SH3GL3: variants seen among roughly 807,000 people sequenced by gnomAD.
The protein encoded by SH3GL3 is endophilin-A3.
A neutral mutation model predicts 47.7 loss-of-function variants in SH3GL3; 33 were observed. The ratio of observed to expected loss-of-function variants is 0.69; its 90% confidence interval spans 0.52 to 0.92. The LOEUF is 0.92. Among genes scored for constraint, SH3GL3 ranks in the 40% least tolerant of loss-of-function variants. SH3GL3 has a pLI of 0.00. For missense variants in SH3GL3, 363 were observed against 417.8 expected (o/e 0.87, Z 1.14); for synonymous variants, 155 against 148.8 (o/e 1.04, Z -0.30).
chr15:83,624,978 AGGCCAGGCACGGT>A, the SH3GL3 span, among the ~76,000 whole-genome samples: 1 of 152,116 alleles, frequency 6.6e-6, no homozygotes, highest in Non-Finnish European at 1.5e-5. Flanking sequence ...AGAGAGCACC[AGGCCAGGCACGGT>A]GGCTTATGCC....
At chr15:83,633,445 CTAA>C in the SH3GL3 span, among the ~76,000 whole-genome samples, 1 of 152,184 alleles carries the variant, frequency 6.6e-6, no homozygotes, top group Admixed American at 6.5e-5. Context: ...GGCAAGCTAT[CTAA>C]CGATGTGCTT....
At chr15:83,493,980 C>T (rs1276951858) in intron 1 of SH3GL3, among the ~76,000 whole-genome samples, 2 of 152,222 alleles carry the variant, frequency 1.3e-5, no homozygotes, top group African/African-American at 2.4e-5. Context: ...AAACTTCAAT[C>T]GGGAGGGATC....
the SH3GL3 span, among the ~76,000 whole-genome samples, chr15:83,626,331 TCTC>T: frequency 6.6e-6 from 1 of 152,168 alleles, no homozygotes; most frequent in Non-Finnish European, 1.5e-5. Context: ...AGTCACTTCC[TCTC>T]CTCTTCTTCT....
chr15:83,502,624 C>T (rs1214088389), intron 1 of SH3GL3, among the ~76,000 whole-genome samples: 2 of 152,290 alleles, frequency 1.3e-5, no homozygotes, highest in East Asian at 3.9e-4. Context: ...AGTGTGCCAT[C>T]ATGGCTCACT....
chr15:83,580,222 A>C (rs1322920133), intron 6 of SH3GL3, among the ~76,000 whole-genome samples: 1 of 152,132 alleles, frequency 6.6e-6, no homozygotes, highest in Non-Finnish European at 1.5e-5. Context: ...GAAGTCCTGC[A>C]TGAGGAGCTG....
intron 2 of SH3GL3, among the ~76,000 whole-genome samples, chr15:83,559,800 G>C (rs1204609198): frequency 6.6e-6 from 1 of 152,186 alleles, no homozygotes; most frequent in African/African-American, 2.4e-5. Context: ...TGTGAACTTG[G>C]ATAAGTGAAT....
At chr15:83,490,038 G>A (rs1463654080) in intron 1 of SH3GL3, among the ~76,000 whole-genome samples, 4 of 152,190 alleles carry the variant, frequency 2.6e-5, no homozygotes, top group Non-Finnish European at 5.9e-5. Flanking sequence ...TTGCCAGGCA[G>A]GGGGAATCAC....
At chr15:83,578,960 C>T (rs2059759126) in intron 6 of SH3GL3, among the ~76,000 whole-genome samples, 1 of 152,140 alleles carries the variant, frequency 6.6e-6, no homozygotes, top group Non-Finnish European at 1.5e-5. Context: ...CCATTTGTTC[C>T]ATTCACTGCC....
chr15:83,580,906 G>A (rs1269053224), intron 6 of SH3GL3, among the ~76,000 whole-genome samples: 2 of 152,222 alleles, frequency 1.3e-5, no homozygotes, highest in African/African-American at 2.4e-5. Flanking sequence ...AGGGCCTGGC[G>A]AGAGGACTTA....
At position 83,575,734 on chromosome 15, in the gene SH3GL3, A is replaced by T. The variant is rs2059659115; in HGVS notation, c.466-849A>T. Among the ~76,000 whole-genome samples the T allele has an allele frequency of 2.0e-5, 3 of 152,240 alleles. No individual in the cohort carries two copies. The South Asian group carries it at 6.2e-4, about 32-fold the overall frequency. On this transcript the variant is annotated intron_variant, in intron 5 of 8. Transcript: ENST00000427482. Reference sequence around the variant, plus strand: ...AAGTTAGAAGCAGTGCTTCCTGCTAAAATGAATAGTGCGAGCTATCCCCAT... The same window carrying T: ...AAGTTAGAAGCAGTGCTTCCTGCTATAATGAATAGTGCGAGCTATCCCCAT...
At chr15:83,545,591 G>T (rs1205783508) in intron 1 of SH3GL3, among the ~76,000 whole-genome samples, 1 of 152,164 alleles carries the variant, frequency 6.6e-6, no homozygotes, top group Non-Finnish European at 1.5e-5. Flanking sequence ...GTTCATTCAT[G>T]TCTGGGCATT....
intron 1 of SH3GL3, among the ~76,000 whole-genome samples, chr15:83,554,015 C>T (rs905110497): frequency 4.0e-5 from 6 of 148,162 alleles, no homozygotes; most frequent in Non-Finnish European, 6.0e-5. Context: ...TTCTTTCTCT[C>T]GCTCTTTTTT....
chr15:83,458,803 G>A lies in SH3GL3; in HGVS notation c.45+11225G>A, dbSNP rs544542031. Among the ~76,000 whole-genome samples the A allele has an allele frequency of 1.8e-3, 269 of 152,268 alleles. 3 individuals carry two copies. Among genetic ancestry groups the A allele is most frequent in the Admixed American group, 4.0e-3 (61 of 15,302 alleles). ...CTGCACTATTGTTTCTTCTCTCCTG[G>A]ATAAATTTCACTGTAGGACAAAGAA... On this transcript the variant is annotated intron_variant, in intron 1 of 8. Transcript: ENST00000427482.
At position 83,562,242 on chromosome 15, in the gene SH3GL3, T is replaced by G. The variant is rs150936915; in HGVS notation, c.115-2892T>G. On this transcript the variant is annotated intron_variant, in intron 2 of 8. Coordinates refer to ENST00000427482, the MANE Select transcript of SH3GL3 (RefSeq NM_003027.5). The stretch of plus-strand genomic sequence containing the variant: ...AAGGGTTTATTTCTAGTTTTGATGC[T>G]TGGGCTGGTGTGGAGGCAGCTCCAG... Among the ~76,000 whole-genome samples, 35 of 152,338 alleles carry G rather than the reference T, an allele frequency of 2.3e-4. No individual in the cohort carries two copies. The East Asian group carries it at 6.8e-3, about 29-fold the overall frequency.
chr15:83,626,145 T>C, the SH3GL3 span, among the ~76,000 whole-genome samples: 3 of 152,204 alleles, frequency 2.0e-5, no homozygotes, highest in African/African-American at 4.8e-5. Context: ...ATTTTGTTTT[T>C]AAACACTGTG....
At chr15:83,583,305 C>T (rs753567525) in intron 6 of SH3GL3, among the ~76,000 whole-genome samples, 15 of 152,154 alleles carry the variant, frequency 9.9e-5, no homozygotes, top group Admixed American at 2.0e-4. Flanking sequence ...CTCACCAAGT[C>T]CCCTGGTAAG....
the SH3GL3 span, among the ~76,000 whole-genome samples, chr15:83,629,953 C>T: frequency 4.6e-3 from 699 of 152,320 alleles, 3 homozygotes; most frequent in Middle Eastern, 0.01. Context: ...CTGTAGCTCC[C>T]ATAATTTCCA....
At chr15:83,566,918 A>G (rs993597489) in intron 3 of SH3GL3, among the ~76,000 whole-genome samples, 7 of 152,212 alleles carry the variant, frequency 4.6e-5, no homozygotes, top group African/African-American at 1.4e-4. Flanking sequence ...ATCACTCTAC[A>G]TTTTAACAAG....
At chr15:83,562,745 C>A (rs72760369) in intron 2 of SH3GL3, among the ~76,000 whole-genome samples, 19,150 of 152,184 alleles carry the variant, frequency 0.13, 1,569 homozygotes, top group South Asian at 0.18. Flanking sequence ...AGGTACAGGA[C>A]TCCCTCAAAC....
Sources: gnomAD v4.1 joint callset for allele counts (sites outside exome capture counted in the v4.1 genomes callset) on GRCh38, gnomAD v4.1.1 for gene constraint, MANE v1.5 for transcripts, NCBI Gene and HGNC (gene_info 2026-07-23, HGNC 2026-07-21) for gene names.